The following MTUS1 variants were observed in gnomAD, a reference collection of about 807,000 sequenced individuals.
MTUS1 encodes microtubule-associated tumor suppressor 1.
In MTUS1, 109 loss-of-function variants were observed where a neutral mutation model predicts 120.8. The ratio of observed to expected loss-of-function variants is 0.90; its 90% CI spans 0.77 to 1.06. The LOEUF (loss-of-function observed/expected upper bound fraction) is 1.06. Among genes scored for constraint, MTUS1 ranks in the 50% least tolerant of loss-of-function variants. MTUS1 has a pLI of 0.00. For missense variants in MTUS1, 2,210 were observed against 1,486.3 expected (o/e 1.49, Z -8.01); for synonymous variants, 737 against 550.5 (o/e 1.34, Z -4.74).
At position 17,761,089 on chromosome 8, in the gene MTUS1, G is replaced by C. The variant is rs185551313; in HGVS notation, c.-154-5128C>G. Among the ~76,000 whole-genome samples the C allele has an allele frequency of 3.9e-5, 6 of 152,038 alleles. No homozygotes were observed. In the East Asian group the frequency reaches 1.2e-3, roughly 29 times the overall value. ...TTATTAAAGAGCTGGGAATGTAACA[G>C]AGCAGCTCCTCTTAAACGGTTACCA... On this transcript the variant is annotated intron_variant, in intron 1 of 14. Transcript: ENST00000693296.
intron 13 of MTUS1, among the ~76,000 whole-genome samples, chr8:17,648,305 T>C (rs1227287339): frequency 3.9e-5 from 6 of 152,184 alleles, no homozygotes; most frequent in Admixed American, 3.9e-4. Flanking sequence ...ACATACACAA[T>C]GCAAGGCTGA....
intron 3 of MTUS1, among the ~76,000 whole-genome samples, chr8:17,741,203 C>T (rs1462305814): frequency 6.6e-6 from 1 of 151,994 alleles, no homozygotes; most frequent in East Asian, 1.9e-4. Context: ...TTTCTAAGGG[C>T]ACCACCCCTA....
At chr8:17,682,374 C>T (rs754383859) in intron 7 of MTUS1, among the ~76,000 whole-genome samples, 18 of 152,098 alleles carry the variant, frequency 1.2e-4, no homozygotes, top group South Asian at 6.3e-4. Flanking sequence ...AAAAACTAGT[C>T]GGGCATGGTG....
intron 4 of MTUS1, chr8:17,716,445 AAAGC>A (rs1194483360): frequency 6.6e-6 from 1 of 152,410 alleles, no homozygotes; most frequent in African/African-American, 2.4e-5. Flanking sequence ...TTTTAGCTCC[AAAGC>A]AAAAACATAA....
At chr8:17,658,358 C>T (rs1808914606) in intron 8 of MTUS1, among the ~76,000 whole-genome samples, 2 of 152,152 alleles carry the variant, frequency 1.3e-5, no homozygotes, top group Admixed American at 1.3e-4. Context: ...AACATCTTAG[C>T]TCTTCCCTAC....
intron 2 of MTUS1, 102 bp from the exon 3 acceptor site, chr8:17,743,901 C>T (rs2047532060): frequency 1.0e-6 from 1 of 1,004,224 alleles, no homozygotes; most frequent in East Asian, 2.5e-5. Flanking sequence ...TCCAAAGAAA[C>T]CTAAAAAACA....
chr8:17,707,693 T>A (rs912001470), intron 6 of MTUS1, among the ~76,000 whole-genome samples: 1 of 152,168 alleles, frequency 6.6e-6, no homozygotes, highest in Non-Finnish European at 1.5e-5. Flanking sequence ...GCCATAACTA[T>A]CTTGAAAAAG....
chr8:17,765,429 G>C (rs532091242), intron 1 of MTUS1, among the ~76,000 whole-genome samples: 3 of 152,170 alleles, frequency 2.0e-5, no homozygotes, highest in African/African-American at 7.2e-5. Context: ...AGGAGTTCAA[G>C]ACCAGCCTTG....
At chr8:17,650,184 T>C (rs1224882716) in intron 12 of MTUS1, among the ~76,000 whole-genome samples, 1 of 152,216 alleles carries the variant, frequency 6.6e-6, no homozygotes, top group African/African-American at 2.4e-5. Flanking sequence ...AGTAACTTAA[T>C]ATGCAAAAAT....
chr8:17,747,700 G>A (rs1247290002), intron 2 of MTUS1, among the ~76,000 whole-genome samples: 1 of 152,136 alleles, frequency 6.6e-6, no homozygotes, highest in Non-Finnish European at 1.5e-5. Flanking sequence ...AAAGACCCCA[G>A]ACTCACTTGG....
intron 1 of MTUS1, among the ~76,000 whole-genome samples, chr8:17,780,213 C>A (rs1033419308): frequency 1.3e-5 from 2 of 152,054 alleles, no homozygotes; most frequent in African/African-American, 2.4e-5. Context: ...AAGTGTGGTA[C>A]CTCCCCCGTC....
intron 3 of MTUS1, among the ~76,000 whole-genome samples, chr8:17,740,139 C>T (rs907739395): frequency 1.3e-5 from 2 of 151,388 alleles, no homozygotes; most frequent in East Asian, 1.9e-4. Flanking sequence ...ACCCAGGAGG[C>T]GGAGGTTGCA....
chr8:17,671,624 C>T (rs1256389368), intron 8 of MTUS1, among the ~76,000 whole-genome samples: 1 of 152,222 alleles, frequency 6.6e-6, no homozygotes, highest in Non-Finnish European at 1.5e-5. Flanking sequence ...GCTGGGACAG[C>T]TGGAGGCTGT....
intron 6 of MTUS1, among the ~76,000 whole-genome samples, chr8:17,711,556 C>T (rs1475642665): frequency 1.3e-5 from 2 of 152,186 alleles, no homozygotes; most frequent in African/African-American, 4.8e-5. Context: ...AAAGTTGCAG[C>T]TGGCTTAATC....
intron 7 of MTUS1, among the ~76,000 whole-genome samples, chr8:17,681,398 A>G (rs755425673): frequency 3.3e-5 from 5 of 152,228 alleles, no homozygotes; most frequent in Non-Finnish European, 5.9e-5. Context: ...GGAAGTTTAC[A>G]GGACATTTTT....
At chr8:17,761,003 T>C (rs1466720646) in intron 1 of MTUS1, among the ~76,000 whole-genome samples, 1 of 151,912 alleles carries the variant, frequency 6.6e-6, no homozygotes, top group Non-Finnish European at 1.5e-5. Context: ...GAGAATCATT[T>C]GGGAAAACAA....
intron 6 of MTUS1, among the ~76,000 whole-genome samples, chr8:17,688,469 A>G (rs1002470011): frequency 6.6e-6 from 1 of 152,244 alleles, no homozygotes; most frequent in African/African-American, 2.4e-5. Context: ...ATATTGCATT[A>G]AAAACCGATG....
intron 5 of MTUS1, among the ~76,000 whole-genome samples, chr8:17,713,870 T>A (rs1563251840): frequency 6.6e-6 from 1 of 152,176 alleles, no homozygotes; most frequent in African/African-American, 2.4e-5. Context: ...TTTACAGAGA[T>A]GATGATCTCT....
At chr8:17,781,496 GAC>G (rs1424579476) in intron 1 of MTUS1, among the ~76,000 whole-genome samples, 5 of 152,212 alleles carry the variant, frequency 3.3e-5, no homozygotes, top group African/African-American at 9.7e-5. Context: ...TCCTCTGAAT[GAC>G]AGTGATTAAT....
Sources: allele counts gnomAD v4.1 joint callset (sites outside exome capture counted in the v4.1 genomes callset), GRCh38; gene constraint gnomAD v4.1.1; transcripts MANE v1.5; gene names NCBI Gene and HGNC (gene_info 2026-07-23, HGNC 2026-07-21).